The following PDXK variants were observed in gnomAD, a reference collection of about 807,000 sequenced individuals.
PDXK encodes the protein epididymis secretory sperm binding protein Li 1a.
Under a neutral mutation model 43.2 loss-of-function variants are expected in PDXK, and 15 were observed. The ratio of observed to expected loss-of-function variants is 0.35; its 90% CI spans 0.23 to 0.53. The LOEUF (loss-of-function observed/expected upper bound fraction) is 0.53, where lower values mean the gene tolerates loss of function less well. Among genes scored for constraint, PDXK ranks in the 20% least tolerant of loss-of-function variants. PDXK has a pLI of 0.92. For missense variants in PDXK, 343 were observed against 417.0 expected, an observed-to-expected ratio of 0.82 and a Z score of 1.54; for synonymous variants, 172 against 165.4, an observed-to-expected ratio of 1.04 and a Z score of -0.31.
chr21:43,755,998 C>T lies in PDXK; in HGVS notation c.874C>T (p.Arg292Trp). The T allele has an allele frequency of 1.2e-6, 2 of 1,613,184 alleles. No homozygotes were observed. Among genetic ancestry groups the T allele is most frequent in the East Asian group, 2.2e-5 (1 of 44,844 alleles). The change falls in exon 11 of 11, where the codon CGG (arginine) becomes TGG (tryptophan). Residue 292 changes from arginine to tryptophan, a missense_variant. By Grantham distance (101) the Arg-to-Trp change is moderately radical (BLOSUM62 -3). Coordinates refer to ENST00000291565, the MANE Select transcript of PDXK (RefSeq NM_003681.5). ...VRPSPMQLEL[R>W]MVQSKRDIED... The stretch of plus-strand genomic sequence containing the variant: ...GCCCAGCCCCATGCAGCTGGAGCTG[C>T]GGATGGTGCAGAGCAAAAGGGACAT...
At chr21:43,733,810 TG>T in intron 1 of PDXK, 1 of 731,802 alleles carries the variant, frequency 1.4e-6, no homozygotes, top group Non-Finnish European at 2.1e-6. Flanking sequence ...TCCTGTGGGC[TG>T]GGCGATGCCC....
At chr21:43,726,270 C>CTTTTTTTTTT (rs1182376121) in intron 1 of PDXK, among the ~76,000 whole-genome samples, 4 of 116,810 alleles carry the variant, frequency 3.4e-5, no homozygotes, top group Non-Finnish European at 5.2e-5. Context: ...TTTTCTTTTT[C>CTTTTTTTTTT]TTTTTTTTTT....
intron 1 of PDXK, among the ~76,000 whole-genome samples, chr21:43,724,969 A>G (rs1237096081): frequency 6.6e-6 from 1 of 152,130 alleles, no homozygotes; most frequent in Non-Finnish European, 1.5e-5. Flanking sequence ...CTGCTCTGCA[A>G]AGTGGCCTCT....
At chr21:43,725,149 C>T (rs1486122679) in intron 1 of PDXK, among the ~76,000 whole-genome samples, 3 of 152,006 alleles carry the variant, frequency 2.0e-5, no homozygotes, top group Admixed American at 2.0e-4. Flanking sequence ...CGGTAAAACC[C>T]CGTCTCTACT....
At chr21:43,745,850 AGCTGGGTG>A (rs2147283805) in intron 4 of PDXK, 1 of 569,752 alleles carries the variant, frequency 1.8e-6, no homozygotes, top group African/African-American at 1.9e-5. Context: ...TTTAAAAGCT[AGCTGGGTG>A]TGCTGCTGCA....
At position 43,737,263 on chromosome 21, in the gene PDXK, G is replaced by A. The variant is rs1280712128; in HGVS notation, c.142+3140G>A. The A allele has an allele frequency of 1.4e-6, 2 of 1,420,194 alleles. No homozygotes were observed. Among genetic ancestry groups the A allele is most frequent in the Non-Finnish European group, 1.8e-6 (2 of 1,090,568 alleles). The allele number at this position is 1,420,194 out of a possible 1,614,324, so 88.0% of individuals were successfully genotyped here. A position where few individuals can be genotyped will look rare whatever the true frequency, so the allele number is the denominator to read the frequency against. On this transcript the variant is annotated intron_variant, in intron 2 of 10. Transcript: ENST00000291565. The surrounding 1 kb of genome is among the most constrained non-coding windows in gnomAD (Gnocchi z 4.8). The stretch of plus-strand genomic sequence containing the variant: ...GGGAAAGCCGATCCCCCAAGTGCCT[G>A]CAGAGCCCACCTGGCGCAGGCCTCG...
Position 43,732,466 on chromosome 21 carries a change from C to T in PDXK, c.88-1603C>T, listed in dbSNP as rs764129286. Reference sequence around the variant, plus strand: ...GGGTGTGTGAAACGGAGATGCCAGCCCAGGGGCTCAGCTTGCTCGTGCTCT... The same window carrying T: ...GGGTGTGTGAAACGGAGATGCCAGCTCAGGGGCTCAGCTTGCTCGTGCTCT... On this transcript the variant is annotated intron_variant, in intron 1 of 10. Coordinates refer to ENST00000291565, the MANE Select transcript of PDXK (RefSeq NM_003681.5). This position sits in a 1 kb window ranked among gnomAD's most constrained non-coding sequence, Gnocchi z 4.1. 2.4e-5 allele frequency: 39 copies of T among 1,606,120 alleles called. No homozygotes were observed. The highest frequency in any genetic ancestry group is 1.6e-4 in the Middle Eastern group (1 of 6,078).
At chr21:43,745,551 G>A (rs533344648) in intron 4 of PDXK, among the ~76,000 whole-genome samples, 7 of 152,242 alleles carry the variant, frequency 4.6e-5, no homozygotes, top group East Asian at 1.9e-4. Flanking sequence ...GATGGTGGTC[G>A]TGGTTATACA....
In PDXK at chr21:43,734,006, T is replaced by A; in HGVS notation, c.88-63T>A. The A allele has an allele frequency of 6.5e-7, 1 of 1,534,166 alleles. No individual in the cohort carries two copies. Among genetic ancestry groups the A allele is most frequent in the Admixed American group, 1.7e-5 (1 of 59,896 alleles). On this transcript the variant is annotated intron_variant, in intron 1 of 10. Coordinates refer to ENST00000291565, the MANE Select transcript of PDXK (RefSeq NM_003681.5). This position sits in a 1 kb window ranked among gnomAD's most constrained non-coding sequence, Gnocchi z 5.0. ...TCCCCTCTTCTGAGTCAGCACCTGC[T>A]GGGGTTCGTGGGACCCCAGACCTGG...
At chr21:43,743,920 C>A in intron 4 of PDXK, 113 bp downstream of exon 4, 2 of 716,422 alleles carry the variant, frequency 2.8e-6, no homozygotes, top group Non-Finnish European at 5.0e-6. Context: ...CGCCTCCGTG[C>A]CCCGCCTCTC....
At chr21:43,751,699 G>A (rs1241925476) in intron 7 of PDXK, among the ~76,000 whole-genome samples, 3 of 152,228 alleles carry the variant, frequency 2.0e-5, no homozygotes, top group Non-Finnish European at 4.4e-5. Flanking sequence ...GCATCCTCAT[G>A]TGTGGATGGC....
Position 43,737,229 on chromosome 21 carries a change from C to T in PDXK, c.142+3106C>T. Reference sequence around the variant, plus strand: ...TGTTGGTTCCCTGACGCCCTTCAGGCTGGGGGGTGGGAAAGCCGATCCCCC... The same window carrying T: ...TGTTGGTTCCCTGACGCCCTTCAGGTTGGGGGGTGGGAAAGCCGATCCCCC... On this transcript the variant is annotated intron_variant, in intron 2 of 10. Transcript: ENST00000291565. This position sits in a 1 kb window ranked among gnomAD's most constrained non-coding sequence, Gnocchi z 4.8. 1.4e-6 allele frequency: 2 copies of T among 1,429,944 alleles called. No individual in the cohort carries two copies. Among genetic ancestry groups the T allele is most frequent in the Non-Finnish European group, 1.8e-6 (2 of 1,095,342 alleles). 88.6% of individuals were successfully genotyped at this position (1,429,944 alleles called of 1,614,324 possible).
chr21:43,748,828 T>C lies in PDXK; in HGVS notation c.379-167T>C, dbSNP rs113597750. ...TCTAGTGTGCCTCGGCCACACGCTGTCCCCGTGGTGGGAACAACTTATCGC... is the reference window on the plus strand; with the variant it reads ...TCTAGTGTGCCTCGGCCACACGCTGCCCCCGTGGTGGGAACAACTTATCGC... On this transcript the variant is annotated intron_variant, in intron 5 of 10. Coordinates refer to ENST00000291565, the MANE Select transcript of PDXK (RefSeq NM_003681.5). Among the ~76,000 whole-genome samples, 40,941 of 152,144 alleles carry C rather than the reference T, an allele frequency of 0.27. 5,939 individuals are homozygous for C. Among genetic ancestry groups the C allele is most frequent in the Non-Finnish European group, 0.31 (21,407 of 67,964 alleles).
At chr21:43,736,530 G>A (rs1483384270) in intron 2 of PDXK, among the ~76,000 whole-genome samples, 2 of 152,214 alleles carry the variant, frequency 1.3e-5, no homozygotes, top group African/African-American at 2.4e-5. Flanking sequence ...AGTTGAAGGT[G>A]GGGTTGCACA....
At chr21:43,750,928 GCGTA>G (rs1294590680) in intron 7 of PDXK, among the ~76,000 whole-genome samples, 5 of 149,448 alleles carry the variant, frequency 3.3e-5, no homozygotes, top group East Asian at 2.0e-4. Context: ...GCATGTGTGT[GCGTA>G]TGTGTGCACG....
At chr21:43,738,284 G>T in intron 2 of PDXK, 1 of 153,858 alleles carries the variant, frequency 6.5e-6, no homozygotes, top group Non-Finnish European at 1.4e-5. Flanking sequence ...TGAGGAAACA[G>T]GGAGGCAATG....
At chr21:43,733,303 G>T (rs1230010674) in intron 1 of PDXK, among the ~76,000 whole-genome samples, 1 of 133,764 alleles carries the variant, frequency 7.5e-6, no homozygotes, top group African/African-American at 2.9e-5. Context: ...TCCTGGTGTT[G>T]ACAGCAGAGG....
In PDXK at chr21:43,758,816, C is replaced by T. The variant is rs1399614884; in HGVS notation, c.*2753C>T. 6.6e-6 allele frequency: 1 copy of T among 152,218 alleles called. No individual in the cohort carries two copies. The highest frequency in any genetic ancestry group is 1.5e-5 in the Non-Finnish European group (1 of 68,040). 9.4% of individuals were successfully genotyped at this position (152,218 alleles called of 1,614,324 possible). A position where few individuals can be genotyped will look rare whatever the true frequency, so the allele number is the denominator to read the frequency against. ...TCTTAATCCAGTTTTTCAAACTTCTCCCTGTAGACCGTAAGGATGAATTCC... is the reference window on the plus strand; with the variant it reads ...TCTTAATCCAGTTTTTCAAACTTCTTCCTGTAGACCGTAAGGATGAATTCC... On this transcript the variant is annotated 3_prime_UTR_variant, in exon 11 of 11. Transcript: ENST00000291565.
At chr21:43,748,829 C>T (rs1340910774) in intron 5 of PDXK, among the ~76,000 whole-genome samples, 166 bp from the exon 6 acceptor site, 2 of 152,246 alleles carry the variant, frequency 1.3e-5, no homozygotes, top group Non-Finnish European at 2.9e-5. Context: ...CACACGCTGT[C>T]CCCGTGGTGG....
Sources: allele counts gnomAD v4.1 joint callset (sites outside exome capture counted in the v4.1 genomes callset), GRCh38; gene constraint gnomAD v4.1.1; non-coding constraint Gnocchi (gnomAD v3.1); transcripts MANE v1.5; gene names NCBI Gene and HGNC (gene_info 2026-07-23, HGNC 2026-07-21).